FGF1: variants seen among roughly 807,000 people sequenced by gnomAD.
The protein encoded by FGF1 is fibroblast growth factor 1, also known as beta-endothelial cell growth factor.
In FGF1, 9 loss-of-function variants were observed where a neutral mutation model predicts 13.4. That is an observed-to-expected ratio of 0.67 (90% CI 0.40 to 1.17). The LOEUF is 1.17. Among genes scored for constraint, FGF1 ranks in the 50% most tolerant of loss-of-function variants. The pLI is 0.01. For missense variants in FGF1, 156 were observed against 192.7 expected, an observed-to-expected ratio of 0.81 and a Z score of 1.13; for synonymous variants, 93 against 79.0, an observed-to-expected ratio of 1.18 and a Z score of -0.94.
chr5:142,666,269 G>A (rs1338659369), intron 1 of FGF1, among the ~76,000 whole-genome samples: 2 of 132,848 alleles, frequency 1.5e-5, no homozygotes, highest in South Asian at 2.4e-4. Flanking sequence ...ATGGTCTAAG[G>A]AGCATGTAAT....
chr5:142,612,845 A>G (rs1269481088), intron 2 of FGF1, among the ~76,000 whole-genome samples: 2 of 152,192 alleles, frequency 1.3e-5, no homozygotes, highest in Non-Finnish European at 2.9e-5. Context: ...TTACCTGTGC[A>G]TCTGAGGGTA....
At chr5:142,659,536 A>T (rs1469084641) in intron 1 of FGF1, among the ~76,000 whole-genome samples, 1 of 152,094 alleles carries the variant, frequency 6.6e-6, no homozygotes, top group East Asian at 1.9e-4. Context: ...ATCAGTTTTA[A>T]GGGGGAACTT....
At chr5:142,683,485 T>TTTGAGA (rs1774102102) in intron 1 of FGF1, among the ~76,000 whole-genome samples, 1 of 152,176 alleles carries the variant, frequency 6.6e-6, no homozygotes. Flanking sequence ...ACAAATGCAT[T>TTTGAGA]CCTAATTTTG....
chr5:142,668,697 G>T (rs1267364197), intron 1 of FGF1, among the ~76,000 whole-genome samples: 1 of 152,218 alleles, frequency 6.6e-6, no homozygotes, highest in East Asian at 1.9e-4. Flanking sequence ...TAGTGCAAGG[G>T]AAGCACCTAG....
At chr5:142,673,831 C>T (rs991318082) in intron 1 of FGF1, among the ~76,000 whole-genome samples, 1 of 152,326 alleles carries the variant, frequency 6.6e-6, no homozygotes, top group East Asian at 1.9e-4. Context: ...CATTGCCTGA[C>T]CCCTGCTACA....
chr5:142,630,437 C>T (rs1763184937), intron 1 of FGF1, among the ~76,000 whole-genome samples: 1 of 152,070 alleles, frequency 6.6e-6, no homozygotes. Context: ...TGCTCTTGGC[C>T]CCCTCCCATC....
At chr5:142,632,781 G>A (rs142521705) in intron 1 of FGF1, among the ~76,000 whole-genome samples, 71 of 152,266 alleles carry the variant, frequency 4.7e-4, no homozygotes, top group African/African-American at 1.5e-3. Context: ...TGTAATGGTT[G>A]CATACAGATG....
chr5:142,684,104 C>G (rs368888021), intron 1 of FGF1, among the ~76,000 whole-genome samples: 2 of 152,218 alleles, frequency 1.3e-5, no homozygotes, highest in African/African-American at 4.8e-5. Context: ...CAAGAACCCT[C>G]TCTTGGGGTC....
intron 1 of FGF1, among the ~76,000 whole-genome samples, chr5:142,661,475 G>A (rs1769208419): frequency 6.6e-6 from 1 of 152,174 alleles, no homozygotes; most frequent in Admixed American, 6.5e-5. Flanking sequence ...CAACAATCCA[G>A]CACCTAAGTA....
chr5:142,689,923 G>T (rs112504226), upstream of FGF1, among the ~76,000 whole-genome samples: 1 of 149,968 alleles, frequency 6.7e-6, no homozygotes, highest in Admixed American at 6.6e-5. Flanking sequence ...GAATGGTCTC[G>T]ATCTCCTGAT....
At chr5:142,662,593 C>G (rs752579487) in intron 1 of FGF1, among the ~76,000 whole-genome samples, 4 of 152,152 alleles carry the variant, frequency 2.6e-5, no homozygotes, top group Admixed American at 6.5e-5. Context: ...CCTACATGAG[C>G]TTACTTTGTA....
At chr5:142,697,930 T>TC (rs1381735674) in exon 1 of FGF1, 1 of 152,284 alleles carries the variant, frequency 6.6e-6, no homozygotes, top group African/African-American at 2.4e-5. Flanking sequence ...TAGGTTGGCC[T>TC]CCTAGCCTTG....
intron 1 of FGF1, among the ~76,000 whole-genome samples, chr5:142,631,887 G>A (rs961031850): frequency 1.4e-5 from 2 of 147,590 alleles, no homozygotes; most frequent in African/African-American, 2.5e-5. Context: ...GGGTTCAAGC[G>A]ATTCTCCTGC....
intron 1 of FGF1, chr5:142,671,751 C>T (rs1044523099): frequency 2.0e-5 from 3 of 152,198 alleles, no homozygotes; most frequent in Non-Finnish European, 4.4e-5. Flanking sequence ...AGCTTCATAA[C>T]GATAGCAATG....
At chr5:142,663,501 G>A (rs183573521) in intron 1 of FGF1, among the ~76,000 whole-genome samples, 1 of 152,260 alleles carries the variant, frequency 6.6e-6, no homozygotes, top group East Asian at 1.9e-4. Flanking sequence ...TCTAATTTAA[G>A]TACAACTGCC....
chr5:142,664,448 A>G (rs1018816318), intron 1 of FGF1, among the ~76,000 whole-genome samples: 1 of 152,214 alleles, frequency 6.6e-6, no homozygotes, highest in East Asian at 1.9e-4. Flanking sequence ...TTTGGGACGA[A>G]TTAGATCGTG....
Position 142,593,960 on chromosome 5 carries a change from TAAGGGTTTAACATTTTTG to T in FGF1, c.*1312_*1329del, listed in dbSNP as rs1187781286. The T allele has an allele frequency of 6.6e-6, 1 of 152,632 alleles. No individual in the cohort carries two copies. Among genetic ancestry groups the T allele is most frequent in the Non-Finnish European group, 1.5e-5 (1 of 68,040 alleles). 9.5% of individuals were successfully genotyped at this position (152,632 alleles called of 1,614,324 possible). ...ATGGTCTCCTGGGAAAAGCTGTTGG[TAAGGGTTTAACATTTTTG>T]AAGTATGTTTTTGTATATCTTCGAA... On this transcript the variant is annotated 3_prime_UTR_variant, in exon 4 of 4. Transcript: ENST00000337706.
chr5:142,668,260 A>G lies in FGF1; in HGVS notation c.-35+17697T>C, dbSNP rs74487341. Among the ~76,000 whole-genome samples, 274 of 152,364 alleles carry G rather than the reference A, an allele frequency of 1.8e-3. 1 individual carries two copies. The highest frequency in any genetic ancestry group is 6.4e-3 in the East Asian group (33 of 5,188). On this transcript the variant is annotated intron_variant, in intron 1 of 3. Coordinates refer to ENST00000337706, the MANE Select transcript of FGF1 (RefSeq NM_000800.5). ...ATCCAAATTAAATCAGACTCAATCA[A>G]TTTGCATTCAACATACTGTCATCTA... is the stretch of plus-strand genomic sequence containing the variant.
chr5:142,695,317 G>T (rs1435546849), intron 2 of FGF1, among the ~76,000 whole-genome samples: 1 of 152,190 alleles, frequency 6.6e-6, no homozygotes, highest in African/African-American at 2.4e-5. Flanking sequence ...GCTTATGCCT[G>T]TAATCCCAGC....
Sources: gnomAD v4.1 joint callset for allele counts (sites outside exome capture counted in the v4.1 genomes callset) on GRCh38, gnomAD v4.1.1 for gene constraint, MANE v1.5 for transcripts, NCBI Gene and HGNC (gene_info 2026-07-23, HGNC 2026-07-21) for gene names.